Variants in CUX2 observed in about 807,000 individuals in gnomAD.
The protein encoded by CUX2 is homeobox protein cut-like 2.
CUX2 carries 40 observed loss-of-function variants against 144.8 expected under a neutral mutation model. The ratio of observed to expected loss-of-function variants is 0.28; its 90% confidence interval spans 0.21 to 0.36. CUX2 has a LOEUF of 0.36. Ranked by LOEUF, CUX2 falls within the 10% of genes least tolerant of loss-of-function variation. The pLI, the probability that CUX2 is intolerant of heterozygous loss-of-function variation, is 1.00. For missense variants in CUX2, 1,615 were observed against 1,994.0 expected, an observed-to-expected ratio of 0.81 and a Z score of 3.62; for synonymous variants, 827 against 875.6, an observed-to-expected ratio of 0.94 and a Z score of 0.98.
chr12:111,334,755 T>G (rs762240422), intron 19 of CUX2, 45 bp downstream of exon 19: 3 of 1,541,612 alleles, frequency 1.9e-6, no homozygotes, highest in Non-Finnish European at 2.6e-6. Flanking sequence ...CCACCTGGGT[T>G]GGCTCCTACT....
chr12:111,276,458 C>G (rs1884876010), intron 4 of CUX2, among the ~76,000 whole-genome samples: 2 of 152,264 alleles, frequency 1.3e-5, no homozygotes, highest in South Asian at 4.1e-4. Context: ...GGGAATACAC[C>G]AGAGTCTGGC....
chr12:111,122,576 GT>G (rs1357386095), intron 1 of CUX2, among the ~76,000 whole-genome samples: 2 of 152,180 alleles, frequency 1.3e-5, no homozygotes, highest in Non-Finnish European at 2.9e-5. Flanking sequence ...TTCTTTTGTT[GT>G]TATGGAAAGC....
intron 1 of CUX2, among the ~76,000 whole-genome samples, chr12:111,162,882 A>C (rs1015086396): frequency 6.6e-6 from 1 of 151,968 alleles, no homozygotes; most frequent in South Asian, 2.1e-4. Flanking sequence ...CCCATCTCTA[A>C]TAAAAATACA....
At chr12:111,282,347 C>T (rs1885156228) in intron 4 of CUX2, among the ~76,000 whole-genome samples, 1 of 151,292 alleles carries the variant, frequency 6.6e-6, no homozygotes, top group African/African-American at 2.4e-5. Context: ...ATACCACAGG[C>T]CGTGCGCCTT....
At chr12:111,221,297 C>T (rs1197849066) in intron 3 of CUX2, among the ~76,000 whole-genome samples, 4 of 152,156 alleles carry the variant, frequency 2.6e-5, no homozygotes, top group African/African-American at 9.7e-5. Flanking sequence ...CCTTGTGCCT[C>T]AGGGGAGAGA....
At chr12:111,130,233 CTG>C (rs1239668728) in intron 1 of CUX2, among the ~76,000 whole-genome samples, 2 of 152,210 alleles carry the variant, frequency 1.3e-5, no homozygotes, top group Non-Finnish European at 2.9e-5. Context: ...TGGCTCCAGT[CTG>C]TGAATTGATT....
chr12:111,293,619 T>C lies in CUX2; in HGVS notation c.560+50T>C, dbSNP rs1885811221. On this transcript the variant is annotated intron_variant, in intron 6 of 21. Transcript: ENST00000261726. This position sits in a 1 kb window ranked among gnomAD's most constrained non-coding sequence, Gnocchi z 4.5. The stretch of plus-strand genomic sequence containing the variant: ...GGGAGGAAGGAATGGGCAGGGCTCC[T>C]GCTGCCCCACCTGGCTGGGTCGTGG... The C allele has an allele frequency of 6.5e-7, 1 of 1,540,692 alleles. No homozygotes were observed. The highest frequency in any genetic ancestry group is 2.4e-5 in the East Asian group (1 of 41,324).
intron 1 of CUX2, among the ~76,000 whole-genome samples, chr12:111,135,630 A>G (rs1875829409): frequency 6.6e-6 from 1 of 152,234 alleles, no homozygotes; most frequent in Admixed American, 6.5e-5. Flanking sequence ...CTGTCCATAC[A>G]ATGGAATATT....
chr12:111,311,923 C>T (rs1191681138), intron 15 of CUX2, among the ~76,000 whole-genome samples, 177 bp from the exon 16 acceptor site: 1 of 152,126 alleles, frequency 6.6e-6, no homozygotes, highest in Non-Finnish European at 1.5e-5. Context: ...TTATTTCACA[C>T]CAGAATCACT....
chr12:111,188,276 G>A (rs149486892), intron 1 of CUX2, among the ~76,000 whole-genome samples: 10 of 152,346 alleles, frequency 6.6e-5, no homozygotes, highest in South Asian at 6.2e-4. Flanking sequence ...GAGAAATGGC[G>A]GAGGAAGAGG....
chr12:111,293,486 C>G lies in CUX2; in HGVS notation c.477C>G (p.Thr159=). The G allele has an allele frequency of 1.2e-6, 2 of 1,608,424 alleles. No homozygotes were observed. Among genetic ancestry groups the G allele is most frequent in the Non-Finnish European group, 1.7e-6 (2 of 1,178,518 alleles). ...CGTCGCCTGCCGGGCCCACGCTGAC[C>G]GAGGGAAGCCGCCTCCCAGGCATTC... ...EGTSPAGPTL[T]EGSRLPGIPG... is the part of the protein sequence containing the mutation. The change falls in exon 6 of 22, where the codon ACC becomes ACG. Residue 159 remains threonine, a synonymous_variant. Coordinates refer to ENST00000261726, the MANE Select transcript of CUX2 (RefSeq NM_015267.4). The surrounding 1 kb of genome is among the most constrained non-coding windows in gnomAD (Gnocchi z 4.5).
intron 1 of CUX2, among the ~76,000 whole-genome samples, chr12:111,045,682 G>A (rs1381587137): frequency 6.6e-6 from 1 of 152,146 alleles, no homozygotes; most frequent in African/African-American, 2.4e-5. Flanking sequence ...TGCAATGATG[G>A]GCGCTGGGCT....
At position 111,338,431 on chromosome 12, in the gene CUX2, T is replaced by C. The variant is rs770255652; in HGVS notation, c.3342T>C (p.His1114=). 10 of 1,613,830 alleles carry C rather than the reference T, an allele frequency of 6.2e-6. No individual in the cohort carries two copies. The highest frequency in any genetic ancestry group is 8.5e-6 in the Non-Finnish European group (10 of 1,179,902). Residue 1114 remains histidine, a synonymous_variant, in exon 20 of 22, where the codon CAT becomes CAC. Coordinates refer to ENST00000261726, the MANE Select transcript of CUX2 (RefSeq NM_015267.4). Reference sequence around the variant, plus strand: ...TGCAGCTGTGGCTCAATGACCCCCATAACGTGGAGAAGCTGAGGGATATGA... The same window carrying C: ...TGCAGCTGTGGCTCAATGACCCCCACAACGTGGAGAAGCTGAGGGATATGA... ...VRMQLWLNDP[H]NVEKLRDMKK...
chr12:111,120,443 C>A (rs1454048215), intron 1 of CUX2, among the ~76,000 whole-genome samples: 2 of 152,034 alleles, frequency 1.3e-5, no homozygotes, highest in Non-Finnish European at 2.9e-5. Context: ...CAGCATCTGC[C>A]GTGGACATCA....
intron 4 of CUX2, among the ~76,000 whole-genome samples, chr12:111,290,952 T>A (rs1174465407): frequency 6.6e-6 from 1 of 151,490 alleles, no homozygotes; most frequent in African/African-American, 2.4e-5. Context: ...AATCTCCACC[T>A]CCTGGGTTCA....
intron 4 of CUX2, among the ~76,000 whole-genome samples, chr12:111,284,792 C>T (rs1276102129): frequency 1.3e-5 from 2 of 152,178 alleles, no homozygotes; most frequent in African/African-American, 2.4e-5. Flanking sequence ...TCGTGCAGCT[C>T]GGAAGGGCCT....
At chr12:111,241,702 C>T (rs570788206) in intron 3 of CUX2, among the ~76,000 whole-genome samples, 4 of 152,408 alleles carry the variant, frequency 2.6e-5, no homozygotes, top group Non-Finnish European at 4.4e-5. Flanking sequence ...GCTCATTCAA[C>T]CCATGTTTCT....
chr12:111,071,688 A>G (rs1871259526), intron 1 of CUX2, among the ~76,000 whole-genome samples: 1 of 151,694 alleles, frequency 6.6e-6, no homozygotes, highest in African/African-American at 2.4e-5. Flanking sequence ...ACCCAAGGTC[A>G]TCCAGATTTT....
At chr12:111,223,351 C>T (rs756007269) in intron 3 of CUX2, among the ~76,000 whole-genome samples, 11 of 152,326 alleles carry the variant, frequency 7.2e-5, no homozygotes, top group Admixed American at 3.3e-4. Context: ...TTGTTTGCTG[C>T]GCTTCACATT....
Sources: allele counts gnomAD v4.1 joint callset (sites outside exome capture counted in the v4.1 genomes callset), GRCh38; gene constraint gnomAD v4.1.1; non-coding constraint Gnocchi (gnomAD v3.1); transcripts MANE v1.5; gene names NCBI Gene and HGNC (gene_info 2026-07-23, HGNC 2026-07-21).